ARSG: variants seen among roughly 807,000 people sequenced by gnomAD.
The protein encoded by ARSG is arylsulfatase G.
ARSG carries 37 observed loss-of-function variants against 50.5 expected under a neutral mutation model. That is an observed-to-expected ratio of 0.73 (90% CI 0.56 to 0.96). The LOEUF (loss-of-function observed/expected upper bound fraction) is 0.96, where lower values mean the gene tolerates loss of function less well. Among genes scored for constraint, ARSG ranks in the 50% least tolerant of loss-of-function variants. ARSG has a pLI of 0.00. For missense variants in ARSG, 629 were observed against 675.3 expected (o/e 0.93, Z 0.76); for synonymous variants, 225 against 254.6 (o/e 0.88, Z 1.11).
chr17:68,294,233 A>G (rs1234107025), intron 1 of ARSG, among the ~76,000 whole-genome samples: 5 of 152,014 alleles, frequency 3.3e-5, no homozygotes, highest in East Asian at 3.9e-4. Flanking sequence ...AAGACCCCCA[A>G]CATCTTCTTG....
intron 2 of ARSG, among the ~76,000 whole-genome samples, chr17:68,313,714 CTG>C (rs1175028665): frequency 8.5e-6 from 1 of 117,838 alleles, no homozygotes; most frequent in Non-Finnish European, 1.7e-5. Context: ...CAGTTTCACT[CTG>C]TTGCCCAGGC....
intron 6 of ARSG, among the ~76,000 whole-genome samples, chr17:68,360,927 C>T (rs1215150342): frequency 1.3e-5 from 2 of 152,112 alleles, no homozygotes; most frequent in African/African-American, 2.4e-5. Flanking sequence ...TGGGTTCAAG[C>T]GATTCTCCTG....
chr17:68,344,609 G>C (rs2078423839), intron 3 of ARSG, among the ~76,000 whole-genome samples: 1 of 152,252 alleles, frequency 6.6e-6, no homozygotes, highest in South Asian at 2.1e-4. Flanking sequence ...GTGGAGGCCA[G>C]GTCTAGGCAG....
intron 2 of ARSG, among the ~76,000 whole-genome samples, chr17:68,313,595 C>T (rs1555767454): frequency 6.6e-6 from 1 of 152,074 alleles, no homozygotes; most frequent in East Asian, 1.9e-4. Flanking sequence ...CAAATAAGGT[C>T]ACGTCACAGG....
chr17:68,304,915 T>C (rs1414183070), intron 1 of ARSG, among the ~76,000 whole-genome samples: 1 of 152,214 alleles, frequency 6.6e-6, no homozygotes, highest in African/African-American at 2.4e-5. Context: ...GACTCATGCA[T>C]GTAATCCCAG....
chr17:68,271,611 G>A lies in ARSG; in HGVS notation c.-552+12185G>A, dbSNP rs62087130. On this transcript the variant is annotated intron_variant, in intron 1 of 11. Transcript: ENST00000448504. The surrounding 1 kb of genome is among the most constrained non-coding windows in gnomAD (Gnocchi z 5.3). ...TTAACTGTAGTAGGCCCACGAAGAG[G>A]AGGCTGTATCTCCAGCCAATGCGCT... is the stretch of plus-strand genomic sequence containing the variant. The A allele has an allele frequency of 5.8e-3, 9,378 of 1,613,962 alleles. 39 individuals are homozygous for A. Among genetic ancestry groups the A allele is most frequent in the Non-Finnish European group, 7.3e-3 (8,557 of 1,179,804 alleles).
At chr17:68,342,487 G>A (rs1002285772) in intron 2 of ARSG, among the ~76,000 whole-genome samples, 2 of 151,522 alleles carry the variant, frequency 1.3e-5, no homozygotes, top group Admixed American at 1.3e-4. Flanking sequence ...CCAAGTAGCT[G>A]GGGTTACAGG....
chr17:68,442,525 G>A, the ARSG span, among the ~76,000 whole-genome samples: 1 of 151,408 alleles, frequency 6.6e-6, no homozygotes, highest in East Asian at 1.9e-4. Flanking sequence ...CAGTCCTGAA[G>A]CAACCCTGTC....
At chr17:68,355,403 G>A (rs2078985369) in intron 5 of ARSG, among the ~76,000 whole-genome samples, 1 of 152,212 alleles carries the variant, frequency 6.6e-6, no homozygotes, top group Admixed American at 6.5e-5. Context: ...TTGTCGCCCA[G>A]GCTGTAGTAC....
At chr17:68,372,025 T>C (rs559577343) in intron 8 of ARSG, among the ~76,000 whole-genome samples, 1 of 152,220 alleles carries the variant, frequency 6.6e-6, no homozygotes, top group Non-Finnish European at 1.5e-5. Context: ...GGGGTGAATT[T>C]CCCCCCACAA....
At chr17:68,295,294 G>A (rs566889099) in intron 1 of ARSG, among the ~76,000 whole-genome samples, 1 of 152,142 alleles carries the variant, frequency 6.6e-6, no homozygotes, top group African/African-American at 2.4e-5. Flanking sequence ...GTGTGTGGGC[G>A]GCCGATGATT....
chr17:68,424,623 C>T, downstream of ARSG: 1 of 439,038 alleles, frequency 2.3e-6, no homozygotes, highest in South Asian at 1.8e-5. Context: ...CGCCTGTAAT[C>T]CTAGCACTTT....
At chr17:68,414,079 G>T (rs1224681584) in intron 11 of ARSG, 1 of 159,286 alleles carries the variant, frequency 6.3e-6, no homozygotes, top group Non-Finnish European at 1.4e-5. Flanking sequence ...CGTCTTCTGC[G>T]TCGCTCAACG....
chr17:68,360,075 T>A (rs1006328274), intron 6 of ARSG, among the ~76,000 whole-genome samples: 8 of 152,194 alleles, frequency 5.3e-5, no homozygotes, highest in Non-Finnish European at 1.0e-4. Context: ...GGCCGTTTAA[T>A]GCCCCCTCCG....
Position 68,372,877 on chromosome 17 carries a change from A to ATTTTT in ARSG, c.982+2381_982+2385dup, listed in dbSNP as rs55668215. 2.3e-4 allele frequency among the ~76,000 whole-genome samples: 21 copies of ATTTTT among 93,214 alleles called. 3 individuals carry two copies. Among genetic ancestry groups the ATTTTT allele is most frequent in the African/African-American group, 7.3e-4 (18 of 24,528 alleles). 61.2% of individuals were successfully genotyped at this position (93,214 alleles called of 152,430 possible). On this transcript the variant is annotated intron_variant, in intron 8 of 11. Transcript: ENST00000621439. The stretch of plus-strand genomic sequence containing the variant: ...TTCTGGTGCAGAGAAGGAAATGCTG[A>ATTTTT]TTTTTTTTTTTTTTTTTTTTTTTTT...
intron 5 of ARSG, among the ~76,000 whole-genome samples, chr17:68,352,797 A>ACCGCACCCAGCGGTGACTCT: frequency 1.3e-5 from 2 of 152,100 alleles, no homozygotes; most frequent in Middle Eastern, 6.9e-3. Flanking sequence ...GGCGTGAGTC[A>ACCGCACCCAGCGGTGACTCT]CCGCACCCAG....
At chr17:68,376,496 G>T (rs2080158744) in intron 8 of ARSG, among the ~76,000 whole-genome samples, 1 of 151,802 alleles carries the variant, frequency 6.6e-6, no homozygotes, top group South Asian at 2.1e-4. Flanking sequence ...TTGCTATGTT[G>T]CCCAGGCTGG....
chr17:68,301,403 C>T (rs1782279279), intron 1 of ARSG, among the ~76,000 whole-genome samples: 2 of 152,126 alleles, frequency 1.3e-5, no homozygotes, highest in Non-Finnish European at 2.9e-5. Context: ...CCTGGATGGA[C>T]TAGGGTGAGG....
At chr17:68,276,301 A>G (rs1219803881) in intron 1 of ARSG, among the ~76,000 whole-genome samples, 2 of 152,048 alleles carry the variant, frequency 1.3e-5, no homozygotes, top group African/African-American at 4.8e-5. Context: ...AAACATGTAG[A>G]ACTGCCTTGT....
Sources: gnomAD v4.1 joint callset for allele counts (sites outside exome capture counted in the v4.1 genomes callset) on GRCh38, gnomAD v4.1.1 for gene constraint, Gnocchi (gnomAD v3.1) non-coding constraint, MANE v1.5 for transcripts, NCBI Gene and HGNC (gene_info 2026-07-23, HGNC 2026-07-21) for gene names.